The following MTHFS variants were observed in gnomAD, a reference collection of about 807,000 sequenced individuals.
MTHFS encodes 5-formyltetrahydrofolate cyclo-ligase.
Under a neutral mutation model 12.7 loss-of-function variants are expected in MTHFS, and 7 were observed. That is an observed-to-expected ratio of 0.55 (90% CI 0.31 to 1.03). MTHFS has a LOEUF of 1.03. Among genes scored for constraint, MTHFS ranks in the 50% least tolerant of loss-of-function variants. The pLI, the probability that MTHFS is intolerant of heterozygous loss-of-function variation, is 0.05. For missense variants in MTHFS, 252 were observed against 258.1 expected (o/e 0.98, Z 0.16); for synonymous variants, 100 against 97.1 (o/e 1.03, Z -0.18).
In MTHFS at chr15:79,847,020, G is replaced by A. The variant is rs145859902; in HGVS notation, c.380-1578C>T. Among the ~76,000 whole-genome samples the A allele has an allele frequency of 5.8e-3, 888 of 152,278 alleles. 13 individuals are homozygous for A. The highest frequency in any genetic ancestry group is 0.02 in the African/African-American group (842 of 41,550). On this transcript the variant is annotated intron_variant, in intron 2 of 2. Coordinates refer to ENST00000258874, the MANE Select transcript of MTHFS (RefSeq NM_006441.4). ...GCATGTAATTTCCATTCCAATGCAC[G>A]GCAGCAGTCTCTGCCAAATGCCCCA...
At chr15:79,856,859 G>A (rs2033815347) in intron 2 of MTHFS, among the ~76,000 whole-genome samples, 1 of 152,142 alleles carries the variant, frequency 6.6e-6, no homozygotes, top group Non-Finnish European at 1.5e-5. Context: ...ACATTCATGT[G>A]AGGGTGTACT....
chr15:79,871,488 G>C (rs928789606), intron 2 of MTHFS, among the ~76,000 whole-genome samples: 3 of 151,040 alleles, frequency 2.0e-5, no homozygotes, highest in African/African-American at 7.3e-5. Flanking sequence ...TATTTACAGA[G>C]GGATGCCCCA....
At chr15:79,855,244 T>C (rs2033779300) in intron 2 of MTHFS, among the ~76,000 whole-genome samples, 2 of 152,142 alleles carry the variant, frequency 1.3e-5, no homozygotes, top group African/African-American at 2.4e-5. Flanking sequence ...TAAAACTTAC[T>C]GGAAAAAAAT....
intron 2 of MTHFS, among the ~76,000 whole-genome samples, chr15:79,847,041 C>G (rs573689487): frequency 6.6e-6 from 1 of 152,308 alleles, no homozygotes; most frequent in South Asian, 2.1e-4. Context: ...CTGCCAAATG[C>G]CCCAAAAGCA....
At chr15:79,890,001 A>C (rs1308121329) in intron 1 of MTHFS, among the ~76,000 whole-genome samples, 1 of 152,046 alleles carries the variant, frequency 6.6e-6, no homozygotes, top group Non-Finnish European at 1.5e-5. Context: ...TACCATCCCC[A>C]TCCCATTTCC....
At chr15:79,879,516 A>C (rs889785310) in intron 2 of MTHFS, among the ~76,000 whole-genome samples, 1 of 151,696 alleles carries the variant, frequency 6.6e-6, no homozygotes, top group Non-Finnish European at 1.5e-5. Flanking sequence ...AAAATTTGTG[A>C]ATTTTATTTA....
At chr15:79,891,427 T>G (rs1253740811) in intron 1 of MTHFS, among the ~76,000 whole-genome samples, 1 of 152,098 alleles carries the variant, frequency 6.6e-6, no homozygotes, top group Non-Finnish European at 1.5e-5. Context: ...TCAGACACAC[T>G]CAAGAAGATA....
chr15:79,879,143 CATTTGTATCATCCATTAGTGG>C (rs1326848188), intron 2 of MTHFS, among the ~76,000 whole-genome samples: 1 of 151,978 alleles, frequency 6.6e-6, no homozygotes, highest in Non-Finnish European at 1.5e-5. Context: ...TCATGCTTTT[CATTTGTATCATCCATTAGTGG>C]AATTTTGAAA....
intron 2 of MTHFS, among the ~76,000 whole-genome samples, chr15:79,878,433 C>T (rs576748959): frequency 1.7e-4 from 25 of 150,924 alleles, no homozygotes; most frequent in African/African-American, 2.9e-4. Context: ...CAAGACAAGA[C>T]GGTTAATCAA....
At chr15:79,871,872 C>T (rs1414090482) in intron 2 of MTHFS, among the ~76,000 whole-genome samples, 2 of 151,732 alleles carry the variant, frequency 1.3e-5, no homozygotes, top group East Asian at 3.9e-4. Flanking sequence ...TTTGGGAGGC[C>T]GAGGCATGGA....
intron 2 of MTHFS, among the ~76,000 whole-genome samples, chr15:79,853,850 T>A (rs2033756023): frequency 6.6e-6 from 1 of 152,240 alleles, no homozygotes; most frequent in African/African-American, 2.4e-5. Flanking sequence ...AAAAGGCTCC[T>A]TTGAGGTGTA....
chr15:79,871,577 T>A (rs1008288933), intron 2 of MTHFS, among the ~76,000 whole-genome samples: 19 of 151,952 alleles, frequency 1.3e-4, no homozygotes, highest in Admixed American at 1.1e-3. Context: ...TTATCTTCTT[T>A]CATTACCTCT....
At chr15:79,853,510 C>G (rs187549687) in intron 2 of MTHFS, among the ~76,000 whole-genome samples, 3 of 152,290 alleles carry the variant, frequency 2.0e-5, no homozygotes, top group African/African-American at 7.2e-5. Context: ...AGATAAAACT[C>G]TAGTAAGTGT....
rs538652492 is a variant in MTHFS at position 79,858,557 on chromosome 15, A to C, written c.380-13115T>G. Among the ~76,000 whole-genome samples, 429 of 152,324 alleles carry C rather than the reference A, an allele frequency of 2.8e-3. 2 individuals carry two copies. The highest frequency in any genetic ancestry group is 0.01 in the African/African-American group (416 of 41,574). On this transcript the variant is annotated intron_variant, in intron 2 of 2. Transcript: ENST00000258874. ...GAAAAACTGACTTAGATGATCTTCAAATCCCTTCCAATTCAGATAATCCCC... is the reference window on the plus strand; with the variant it reads ...GAAAAACTGACTTAGATGATCTTCACATCCCTTCCAATTCAGATAATCCCC...
rs2033953441 is a variant in MTHFS, at chr15:79,863,511, C to T, written c.380-18069G>A. Among the ~76,000 whole-genome samples, 5 of 152,214 alleles carry T rather than the reference C, an allele frequency of 3.3e-5. No homozygotes were observed. The South Asian group carries it at 6.2e-4, about 19-fold the overall frequency. On this transcript the variant is annotated intron_variant, in intron 2 of 2. Coordinates refer to ENST00000258874, the MANE Select transcript of MTHFS (RefSeq NM_006441.4). Reference sequence around the variant, plus strand: ...TGCCTTGAGCTGAATGCAGCAGAGGCTGCTGGTTGCCCATCTGGACATCAT... The same window carrying T: ...TGCCTTGAGCTGAATGCAGCAGAGGTTGCTGGTTGCCCATCTGGACATCAT...
chr15:79,845,850 G>A (rs908174728), intron 2 of MTHFS, among the ~76,000 whole-genome samples: 23 of 152,138 alleles, frequency 1.5e-4, no homozygotes, highest in Non-Finnish European at 3.1e-4. Context: ...AGCCATAAAG[G>A]ACAAAGCTGT....
Position 79,866,957 on chromosome 15 carries a change from A to G in MTHFS, c.380-21515T>C, listed in dbSNP as rs552400525. 4.6e-5 allele frequency among the ~76,000 whole-genome samples: 7 copies of G among 151,940 alleles called. No individual in the cohort carries two copies. In the South Asian group the frequency reaches 8.3e-4, roughly 18 times the overall value. ...GGCATGCCACTGCACTCCAGCCTGG[A>G]CAGCAGAGTGAGACTCTGTCTCAAA... On this transcript the variant is annotated intron_variant, in intron 2 of 2. Coordinates refer to ENST00000258874, the MANE Select transcript of MTHFS (RefSeq NM_006441.4).
chr15:79,883,240 G>A (rs762176282), intron 2 of MTHFS, among the ~76,000 whole-genome samples: 5 of 152,142 alleles, frequency 3.3e-5, no homozygotes, highest in Non-Finnish European at 7.4e-5. Context: ...TAAAACAACT[G>A]ACTCTAGTAT....
intron 2 of MTHFS, among the ~76,000 whole-genome samples, chr15:79,885,939 CCCGGTTGAA>C (rs1305074691): frequency 2.6e-5 from 4 of 152,156 alleles, no homozygotes; most frequent in Non-Finnish European, 4.4e-5. Context: ...TTTGCTTAAG[CCCGGTTGAA>C]TCAGACTATA....
Sources: allele counts gnomAD v4.1 joint callset (sites outside exome capture counted in the v4.1 genomes callset), GRCh38; gene constraint gnomAD v4.1.1; transcripts MANE v1.5; gene names NCBI Gene and HGNC (gene_info 2026-07-23, HGNC 2026-07-21).